Variants in SLC28A1 observed in about 807,000 individuals in gnomAD.
SLC28A1 encodes the protein sodium/nucleoside cotransporter 1.
A neutral mutation model predicts 74.8 loss-of-function variants in SLC28A1; 64 were observed. That is an observed-to-expected ratio of 0.86 (90% confidence interval 0.70 to 1.05). The LOEUF is 1.05. Among genes scored for constraint, SLC28A1 ranks in the 50% least tolerant of loss-of-function variants. SLC28A1 has a pLI of 0.00. For synonymous variants in SLC28A1, 359 were observed against 335.0 expected, an observed-to-expected ratio of 1.07 and a Z score of -0.78; for missense variants, 828 against 822.8, an observed-to-expected ratio of 1.01 and a Z score of -0.08.
intron 9 of SLC28A1, among the ~76,000 whole-genome samples, chr15:84,916,807 C>T (rs1013877847): frequency 1.3e-5 from 2 of 152,106 alleles, no homozygotes; most frequent in South Asian, 2.1e-4. Context: ...GTGGGCAGAT[C>T]ACTTGAGGTC....
chr15:84,908,586 T>TAC, intron 8 of SLC28A1, 132 bp from the exon 9 acceptor site: 2 of 713,522 alleles, frequency 2.8e-6, no homozygotes, highest in Non-Finnish European at 4.9e-6. Context: ...TGCCAGGTGG[T>TAC]GCCCCCCCCC....
chr15:84,916,098 G>A (rs573245532), intron 9 of SLC28A1, among the ~76,000 whole-genome samples: 2 of 151,376 alleles, frequency 1.3e-5, no homozygotes, highest in Admixed American at 6.6e-5. Context: ...GAGTAGCTGG[G>A]ATTACAGGCA....
rs967207745 is a variant in SLC28A1 at position 84,913,569 on chromosome 15, A to G, written c.795+4774A>G. ...GCCCCACTGTAGACCTATTAAATCCAAAATATTTTTAGCAAATTCTCAAAG... is the reference window on the plus strand; with the variant it reads ...GCCCCACTGTAGACCTATTAAATCCGAAATATTTTTAGCAAATTCTCAAAG... On this transcript the variant is annotated intron_variant, in intron 9 of 18. Transcript: ENST00000394573. Among the ~76,000 whole-genome samples, 7 of 152,342 alleles carry G rather than the reference A, an allele frequency of 4.6e-5. No homozygotes were observed. In the South Asian group the frequency reaches 1.5e-3, roughly 32 times the overall value.
intron 6 of SLC28A1, among the ~76,000 whole-genome samples, chr15:84,900,401 C>CA (rs71135319): frequency 0.038 from 2,233 of 58,846 alleles, 165 homozygotes; most frequent in African/African-American, 0.062. Context: ...GACACTGTCT[C>CA]AAAAAAAAAA....
rs201107352 is a variant in SLC28A1, at chr15:84,893,870, CTT to C, written c.278-1069_278-1068del. Reference sequence around the variant, plus strand: ...CTCGACCAGGAAGCCAGTCACAGGGCTTCACTGCTTGCAATGCTGCAAACACA... The same window carrying C: ...CTCGACCAGGAAGCCAGTCACAGGGCCACTGCTTGCAATGCTGCAAACACA... On this transcript the variant is annotated intron_variant, in intron 5 of 18. Transcript: ENST00000394573. Among the ~76,000 whole-genome samples the C allele has an allele frequency of 4.1e-3, 630 of 152,356 alleles. 5 individuals are homozygous for C. Among genetic ancestry groups the C allele is most frequent in the African/African-American group, 0.015 (604 of 41,578 alleles).
chr15:84,941,988 T>G (rs1322030477), intron 15 of SLC28A1, among the ~76,000 whole-genome samples: 1 of 152,188 alleles, frequency 6.6e-6, no homozygotes, highest in African/African-American at 2.4e-5. Flanking sequence ...GAGCCTCGGT[T>G]TACTCCTCTC....
In SLC28A1 at chr15:84,939,209, A is replaced by G. The variant is rs991374839; in HGVS notation, c.1581+3691A>G. ...GTGGTGCACGCCTGTGGTCTCAGCT[A>G]CTTGGGACACTGAGGCAGGAGGATC... is the stretch of plus-strand genomic sequence containing the variant. On this transcript the variant is annotated intron_variant, in intron 15 of 18. Transcript: ENST00000394573. Among the ~76,000 whole-genome samples the G allele has an allele frequency of 9.2e-5, 14 of 152,336 alleles. No homozygotes were observed. The East Asian group carries it at 1.9e-3, about 21-fold the overall frequency.
At chr15:84,933,110 C>T in intron 12 of SLC28A1, 35 bp from the exon 13 acceptor site, 1 of 1,610,596 alleles carries the variant, frequency 6.2e-7, no homozygotes, top group Admixed American at 1.7e-5. Context: ...TTTCTTCTGA[C>T]TGTCCACCTA....
chr15:84,919,456 GAA>G (rs1244232796), intron 10 of SLC28A1, among the ~76,000 whole-genome samples: 2 of 152,180 alleles, frequency 1.3e-5, no homozygotes, highest in African/African-American at 2.4e-5. Flanking sequence ...AATTTATAAA[GAA>G]AAGAGATTTA....
intron 15 of SLC28A1, among the ~76,000 whole-genome samples, chr15:84,939,319 G>A (rs1024183497): frequency 1.3e-5 from 2 of 151,732 alleles, no homozygotes; most frequent in African/African-American, 4.8e-5. Context: ...GACCCTGTCT[G>A]AAAACAAAAG....
chr15:84,974,658 T>G, the SLC28A1 span, among the ~76,000 whole-genome samples: 9 of 152,298 alleles, frequency 5.9e-5, no homozygotes, highest in South Asian at 2.1e-4. Flanking sequence ...TGTCCTACCC[T>G]GGTGCAAGTG....
chr15:84,943,858 C>T (rs963365020), intron 16 of SLC28A1, among the ~76,000 whole-genome samples: 1 of 151,868 alleles, frequency 6.6e-6, no homozygotes, highest in African/African-American at 2.4e-5. Context: ...GAGCTGAGAT[C>T]GCACCACTGC....
At chr15:84,904,009 C>A (rs1596252972) in intron 6 of SLC28A1, 88 bp from the exon 7 acceptor site, 2 of 1,578,300 alleles carry the variant, frequency 1.3e-6, no homozygotes, top group East Asian at 2.2e-5. Context: ...CCCTGAGCAC[C>A]CTTTCTCTGG....
chr15:84,940,067 A>G (rs1294656579), intron 15 of SLC28A1, among the ~76,000 whole-genome samples: 2 of 152,126 alleles, frequency 1.3e-5, no homozygotes, highest in Non-Finnish European at 2.9e-5. Flanking sequence ...ACCTCAAGCA[A>G]TCCTTCTGCC....
intron 7 of SLC28A1, 111 bp downstream of exon 7, chr15:84,904,349 G>A: frequency 6.7e-7 from 1 of 1,497,282 alleles, no homozygotes; most frequent in African/African-American, 1.4e-5. Context: ...GGAGAGCCCT[G>A]GAGGCTCAGG....
the SLC28A1 span, among the ~76,000 whole-genome samples, chr15:84,963,670 C>CA: frequency 3.3e-5 from 5 of 152,168 alleles, no homozygotes; most frequent in African/African-American, 1.2e-4. Flanking sequence ...CCAGGCCAGT[C>CA]CATGATGGGG....
At position 84,890,450 on chromosome 15, in the gene SLC28A1, C is replaced by T; in HGVS notation, c.193C>T (p.Leu65=). The change falls in exon 5 of 19, where the codon CTG becomes TTG. Residue 65 remains leucine, a synonymous_variant. Transcript: ENST00000394573. ...TGCTGGTCTTGTTCCCAGGAGGAAC[C>T]TGCAGCCAGCCCTGAGAGCCAGAAG... is the stretch of plus-strand genomic sequence containing the variant. ...APKPFSRWRN[L]QPALRARSFC... 1 of 1,608,464 alleles carries T rather than the reference C, an allele frequency of 6.2e-7. No individual in the cohort carries two copies.
chr15:84,906,572 T>TTC (rs1405104490), intron 8 of SLC28A1, among the ~76,000 whole-genome samples: 2,388 of 36,198 alleles, frequency 0.066, 80 homozygotes, highest in South Asian at 0.17. Flanking sequence ...TTCTCTTTCT[T>TTC]TCTTCCTTCC....
intron 18 of SLC28A1, 46 bp downstream of exon 18, chr15:84,944,913 A>T (rs1253124334): frequency 7.2e-7 from 1 of 1,384,200 alleles, no homozygotes; most frequent in Non-Finnish European, 1.0e-6. Context: ...ACAGTGATAG[A>T]CAGAATGCCT....
Sources: gnomAD v4.1 joint callset for allele counts (sites outside exome capture counted in the v4.1 genomes callset) on GRCh38, gnomAD v4.1.1 for gene constraint, MANE v1.5 for transcripts, NCBI Gene and HGNC (gene_info 2026-07-23, HGNC 2026-07-21) for gene names.